The following CEMIP variants were observed in gnomAD, a reference collection of about 807,000 sequenced individuals.
The protein encoded by CEMIP is cell migration-inducing and hyaluronan-binding protein.
A neutral mutation model predicts 156.9 loss-of-function variants in CEMIP; 105 were observed. The observed-to-expected ratio is 0.67, with a 90% CI of 0.57 to 0.79. The LOEUF is 0.79. CEMIP is among the 30% of genes least tolerant of loss of function. The pLI, the probability that CEMIP is intolerant of heterozygous loss-of-function variation, is 0.00. For synonymous variants in CEMIP, 676 were observed against 668.4 expected, an observed-to-expected ratio of 1.01 and a Z score of -0.17; for missense variants, 1,457 against 1,769.4, an observed-to-expected ratio of 0.82 and a Z score of 3.17.
intron 6 of CEMIP, among the ~76,000 whole-genome samples, chr15:80,882,638 TG>T (rs1248545145): frequency 6.6e-6 from 1 of 152,230 alleles, no homozygotes; most frequent in East Asian, 1.9e-4. Context: ...GCTGTAGAGA[TG>T]GCAAGGACAG....
chr15:80,850,733 G>T (rs906428), intron 1 of CEMIP, among the ~76,000 whole-genome samples: 19,265 of 152,194 alleles, frequency 0.13, 1,556 homozygotes, highest in Admixed American at 0.2. Context: ...CTACAGCCTG[G>T]CTCAGTTTTC....
In CEMIP at chr15:80,899,334, G is replaced by A. The variant is rs141154166; in HGVS notation, c.1411+3274G>A. 1.7e-3 allele frequency among the ~76,000 whole-genome samples: 255 copies of A among 152,310 alleles called. 2 individuals are homozygous for A. Among genetic ancestry groups the A allele is most frequent in the African/African-American group, 5.5e-3 (229 of 41,554 alleles). ...TGCATTCCCTGTCCTCAGGGAGCCT[G>A]CAGTCCAGCAGTGAAGATAGATATC... On this transcript the variant is annotated intron_variant, in intron 12 of 29. Coordinates refer to ENST00000394685, the MANE Select transcript of CEMIP (RefSeq NM_001293298.2).
At chr15:80,919,391 G>A (rs1275660775) in intron 14 of CEMIP, among the ~76,000 whole-genome samples, 1 of 152,174 alleles carries the variant, frequency 6.6e-6, no homozygotes, top group African/African-American at 2.4e-5. Flanking sequence ...CTCCATCAGG[G>A]TGGGTGCACG....
In CEMIP at chr15:80,930,967, G is replaced by A. The variant is rs116410720; in HGVS notation, c.2613-892G>A. 8.2e-3 allele frequency among the ~76,000 whole-genome samples: 1,253 copies of A among 152,324 alleles called. 20 individuals carry two copies. Among genetic ancestry groups the A allele is most frequent in the African/African-American group, 0.029 (1,198 of 41,568 alleles). ...GGGCCAGGCCCAAGAAGGACCACCAGGAAGCCCAGCCAGCCTCGCAGACCC... is the reference window on the plus strand; with the variant it reads ...GGGCCAGGCCCAAGAAGGACCACCAAGAAGCCCAGCCAGCCTCGCAGACCC... On this transcript the variant is annotated intron_variant, in intron 21 of 29. Coordinates refer to ENST00000394685, the MANE Select transcript of CEMIP (RefSeq NM_001293298.2).
chr15:80,884,803 ATG>A (rs1307968940), intron 7 of CEMIP, among the ~76,000 whole-genome samples: 2 of 152,180 alleles, frequency 1.3e-5, no homozygotes, highest in African/African-American at 4.8e-5. Flanking sequence ...ATGATCTAAT[ATG>A]TGTTTTGTTT....
At chr15:80,809,891 T>C (rs1896615075) in intron 1 of CEMIP, among the ~76,000 whole-genome samples, 1 of 152,226 alleles carries the variant, frequency 6.6e-6, no homozygotes, top group African/African-American at 2.4e-5. Flanking sequence ...AGTATCTAGG[T>C]TCTCTTTCTG....
chr15:80,917,038 A>C (rs1286299554), intron 14 of CEMIP, among the ~76,000 whole-genome samples: 1 of 152,236 alleles, frequency 6.6e-6, no homozygotes, highest in African/African-American at 2.4e-5. Flanking sequence ...AGTCTGCGTC[A>C]CTTATAGAAT....
intron 1 of CEMIP, among the ~76,000 whole-genome samples, chr15:80,836,647 G>A (rs576942171): frequency 6.7e-6 from 1 of 148,672 alleles, no homozygotes; most frequent in Non-Finnish European, 1.5e-5. Flanking sequence ...TACCTCCTGG[G>A]TTTTCTGCCT....
At chr15:80,912,401 C>G (rs947672061) in intron 14 of CEMIP, among the ~76,000 whole-genome samples, 4 of 152,186 alleles carry the variant, frequency 2.6e-5, no homozygotes, top group Non-Finnish European at 4.4e-5. Context: ...CAGCTGCAAA[C>G]TGGGAGGGCC....
In CEMIP at chr15:80,887,876, A is replaced by G. The variant is rs183731178; in HGVS notation, c.868+112A>G. ...TCAGAGCATGGCTTCCCAGCTCCCA[A>G]TGTCTAGATGAGTGAGCAGCCGCTT... On this transcript the variant is annotated intron_variant, in intron 8 of 29. Coordinates refer to ENST00000394685, the MANE Select transcript of CEMIP (RefSeq NM_001293298.2). 21 of 894,330 alleles carry G rather than the reference A, an allele frequency of 2.3e-5. No homozygotes were observed. In the East Asian group the frequency reaches 3.4e-4, roughly 14 times the overall value. The allele number at this position is 894,330 out of a possible 1,614,324, so 55.4% of individuals were successfully genotyped here.
chr15:80,858,694 C>T (rs548059373), intron 1 of CEMIP, among the ~76,000 whole-genome samples: 5 of 152,044 alleles, frequency 3.3e-5, no homozygotes, highest in African/African-American at 1.2e-4. Flanking sequence ...CATTGCACTC[C>T]AGCCTGAGCA....
chr15:80,913,747 A>G (rs1198686815), intron 14 of CEMIP, among the ~76,000 whole-genome samples: 1 of 152,262 alleles, frequency 6.6e-6, no homozygotes, highest in Non-Finnish European at 1.5e-5. Context: ...GATAGTAGCA[A>G]GTATCCAAAC....
intron 14 of CEMIP, among the ~76,000 whole-genome samples, chr15:80,914,224 T>A (rs1401503833): frequency 6.6e-6 from 1 of 152,176 alleles, no homozygotes; most frequent in Non-Finnish European, 1.5e-5. Flanking sequence ...TGAAGGAAAG[T>A]AATGGAATGG....
At chr15:80,850,774 A>G (rs1305287251) in intron 1 of CEMIP, among the ~76,000 whole-genome samples, 2 of 152,304 alleles carry the variant, frequency 1.3e-5, no homozygotes, top group East Asian at 1.9e-4. Context: ...CCCCTTACTC[A>G]TCAGGGCTCT....
At position 80,951,377 on chromosome 15, in the gene CEMIP, CACAA is replaced by C. The variant is rs1250811025; in HGVS notation, c.*2455_*2458del. 2.0e-5 allele frequency: 3 copies of C among 152,556 alleles called. No individual in the cohort carries two copies. Among genetic ancestry groups the C allele is most frequent in the African/African-American group, 7.2e-5 (3 of 41,430 alleles). 9.5% of individuals were successfully genotyped at this position (152,556 alleles called of 1,614,324 possible). On this transcript the variant is annotated 3_prime_UTR_variant, in exon 30 of 30. Transcript: ENST00000394685. ...CAATATCTAGGCATTTTCTTGGTAGCACAAATTTTCTTATTGCTTAGAAAATTGT... is the reference window on the plus strand; with the variant it reads ...CAATATCTAGGCATTTTCTTGGTAGCATTTTCTTATTGCTTAGAAAATTGT...
At chr15:80,942,431 A>AG (rs1901379581) in intron 27 of CEMIP, 94 bp downstream of exon 27, 2 of 1,102,686 alleles carry the variant, frequency 1.8e-6, no homozygotes, top group African/African-American at 3.1e-5. Flanking sequence ...GCAAACTGGG[A>AG]GCAAGGTGTT....
At chr15:80,875,803 T>C (rs1898455305) in intron 3 of CEMIP, among the ~76,000 whole-genome samples, 1 of 152,120 alleles carries the variant, frequency 6.6e-6, no homozygotes, top group Admixed American at 6.5e-5. Context: ...TTCTGATTCA[T>C]ACAAATGAAA....
Position 80,848,953 on chromosome 15 carries a change from A to ATTTTTT in CEMIP, c.-175-24538_-175-24533dup, listed in dbSNP as rs764417438. ...CCTGGCTTCAGGGATCTCTTTAGAA[A>ATTTTTT]TTTTTTTTTTTTTTTTTTTTTTTTT... On this transcript the variant is annotated intron_variant, in intron 1 of 29. Transcript: ENST00000394685. 1.1e-4 allele frequency among the ~76,000 whole-genome samples: 8 copies of ATTTTTT among 72,504 alleles called. 1 individual carries two copies. The highest frequency in any genetic ancestry group is 2.7e-4 in the African/African-American group (4 of 15,042). 47.6% of individuals were successfully genotyped at this position (72,504 alleles called of 152,430 possible).
intron 1 of CEMIP, among the ~76,000 whole-genome samples, chr15:80,835,612 G>A (rs757814622): frequency 2.0e-5 from 3 of 152,192 alleles, no homozygotes; most frequent in Non-Finnish European, 4.4e-5. Context: ...GCATCCACGG[G>A]GTGCCCACAA....
Sources: gnomAD v4.1 joint callset for allele counts (sites outside exome capture counted in the v4.1 genomes callset) on GRCh38, gnomAD v4.1.1 for gene constraint, MANE v1.5 for transcripts, NCBI Gene and HGNC (gene_info 2026-07-23, HGNC 2026-07-21) for gene names.